The following PCDHGA1 variants were observed in gnomAD, a reference collection of about 807,000 sequenced individuals.
PCDHGA1 encodes the protein protocadherin gamma subfamily A, 1, also known as protocadherin gamma-A1.
In PCDHGA1, 32 loss-of-function variants were observed where a neutral mutation model predicts 58.0. The ratio of observed to expected loss-of-function variants is 0.55; its 90% confidence interval spans 0.42 to 0.74. The LOEUF (loss-of-function observed/expected upper bound fraction) is 0.74. PCDHGA1 is among the 30% of genes least tolerant of loss of function. The pLI is 0.00. For missense variants in PCDHGA1, 1,205 were observed against 1,182.3 expected (o/e 1.02, Z -0.28); for synonymous variants, 498 against 501.1 (o/e 0.99, Z 0.08).
chr5:141,366,298 C>A, intron 1 of PCDHGA1: 1 of 1,613,766 alleles, frequency 6.2e-7, no homozygotes, highest in Non-Finnish European at 8.5e-7. Flanking sequence ...CTCTGTCAGC[C>A]ACCTTCACGG....
At chr5:141,365,639 C>T (rs1764033148) in intron 1 of PCDHGA1, 2 of 1,613,492 alleles carry the variant, frequency 1.2e-6, no homozygotes, top group Admixed American at 3.3e-5. Context: ...TACAGAAAGC[C>T]ACATCCCCTT....
intron 1 of PCDHGA1, chr5:141,395,380 T>C (rs1219736482): frequency 9.0e-7 from 1 of 1,112,054 alleles, no homozygotes; most frequent in African/African-American, 1.6e-5. Context: ...GTGGTGTTAC[T>C]ATAAAATTGA....
rs1193620622 is a variant in PCDHGA1, at chr5:141,512,906, G to A, written c.*1733G>A. On this transcript the variant is annotated 3_prime_UTR_variant, in exon 4 of 4. Coordinates refer to ENST00000517417, the MANE Select transcript of PCDHGA1 (RefSeq NM_018912.3). ...CACCCTCTTCCTGTGTCTCACGCAA[G>A]TTTTATACTCTAATATTTATATGGC... 2.0e-5 allele frequency: 3 copies of A among 152,206 alleles called. No homozygotes were observed. Among genetic ancestry groups the A allele is most frequent in the African/African-American group, 7.2e-5 (3 of 41,438 alleles). The allele number at this position is 152,206 out of a possible 1,614,324, so 9.4% of individuals were successfully genotyped here.
In PCDHGA1 at chr5:141,472,878, C is replaced by T. The variant is rs774209715; in HGVS notation, c.2422-21929C>T. ...GCACATGCCTGTATTCCCAGCTACT[C>T]GGGAGGCTGAGGCAGGAGAATTGCT... On this transcript the variant is annotated intron_variant, in intron 1 of 3. Transcript: ENST00000517417. 6.8e-5 allele frequency among the ~76,000 whole-genome samples: 10 copies of T among 146,132 alleles called. 1 individual carries two copies. The highest frequency in any genetic ancestry group is 4.2e-4 in the East Asian group (2 of 4,758).
chr5:141,345,423 A>C, intron 1 of PCDHGA1: 1 of 1,613,976 alleles, frequency 6.2e-7, no homozygotes, highest in Non-Finnish European at 8.5e-7. Flanking sequence ...CATTCCAGAA[A>C]ACAACCCCAG....
Position 141,476,278 on chromosome 5 carries a change from T to C in PCDHGA1, c.2422-18529T>C, listed in dbSNP as rs746655724. On this transcript the variant is annotated intron_variant, in intron 1 of 3. Transcript: ENST00000517417. The surrounding 1 kb of genome is among the most constrained non-coding windows in gnomAD (Gnocchi z 7.6). ...CTGTGGGCAACGTGGTCGCGAACCTTGGTTTGGATCTCGGTAGCCTCTCAG... is the reference window on the plus strand; with the variant it reads ...CTGTGGGCAACGTGGTCGCGAACCTCGGTTTGGATCTCGGTAGCCTCTCAG... The C allele has an allele frequency of 3.2e-5, 52 of 1,613,758 alleles. No homozygotes were observed. Among genetic ancestry groups the C allele is most frequent in the Non-Finnish European group, 4.2e-5 (49 of 1,179,958 alleles).
At chr5:141,458,509 CTTTG>C (rs1327998402) in intron 1 of PCDHGA1, among the ~76,000 whole-genome samples, 2 of 149,986 alleles carry the variant, frequency 1.3e-5, no homozygotes. Context: ...CTGTTTGACA[CTTTG>C]TTTTTTTTTT....
In PCDHGA1 at chr5:141,402,724, G is replaced by A. The variant is rs558797465; in HGVS notation, c.2421+69619G>A. Among the ~76,000 whole-genome samples, 7 of 152,276 alleles carry A rather than the reference G, an allele frequency of 4.6e-5. No individual in the cohort carries two copies. The South Asian group carries it at 1.5e-3, about 32-fold the overall frequency. On this transcript the variant is annotated intron_variant, in intron 1 of 3. Transcript: ENST00000517417. Reference sequence around the variant, plus strand: ...GGGTGTAGTAACGGCTTAGGACTCTGAGCGCCGCTGTTGATCAACTCTAAG... The same window carrying A: ...GGGTGTAGTAACGGCTTAGGACTCTAAGCGCCGCTGTTGATCAACTCTAAG...
At chr5:141,355,685 T>C in intron 1 of PCDHGA1, 3 of 1,613,982 alleles carry the variant, frequency 1.9e-6, no homozygotes, top group Non-Finnish European at 2.5e-6. Flanking sequence ...GATCCGGATG[T>C]AGGTGTAAAC....
intron 1 of PCDHGA1, among the ~76,000 whole-genome samples, chr5:141,436,424 T>C (rs2154557109): frequency 6.6e-6 from 1 of 152,322 alleles, no homozygotes; most frequent in Middle Eastern, 3.4e-3. Context: ...AAACAAATAA[T>C]GTACTCTGGG....
At chr5:141,389,944 A>T in intron 1 of PCDHGA1, 1 of 1,613,974 alleles carries the variant, frequency 6.2e-7, no homozygotes, top group East Asian at 2.2e-5. Context: ...GCTGAGCTGC[A>T]GTTTTACCTA....
At position 141,340,476 on chromosome 5, in the gene PCDHGA1, C is replaced by G. The variant is rs1756947693; in HGVS notation, c.2421+7371C>G. On this transcript the variant is annotated intron_variant, in intron 1 of 3. Coordinates refer to ENST00000517417, the MANE Select transcript of PCDHGA1 (RefSeq NM_018912.3). ...GACACTGTTCAGGGGGCACCCTTAT[C>G]CTCTTACATCTCTATCAACTCCGAC... is the stretch of plus-strand genomic sequence containing the variant. 5 of 1,614,240 alleles carry G rather than the reference C, an allele frequency of 3.1e-6. No homozygotes were observed. The highest frequency in any genetic ancestry group is 4.2e-6 in the Non-Finnish European group (5 of 1,180,046).
chr5:141,464,184 G>T (rs1348739162), intron 1 of PCDHGA1, among the ~76,000 whole-genome samples: 1 of 150,316 alleles, frequency 6.7e-6, no homozygotes, highest in Non-Finnish European at 1.5e-5. Flanking sequence ...AGAATTGCTT[G>T]ATTTCAGGAG....
At position 141,487,344 on chromosome 5, in the gene PCDHGA1, C is replaced by T. The variant is rs1232854025; in HGVS notation, c.2422-7463C>T. On this transcript the variant is annotated intron_variant, in intron 1 of 3. Coordinates refer to ENST00000517417, the MANE Select transcript of PCDHGA1 (RefSeq NM_018912.3). This position sits in a 1 kb window ranked among gnomAD's most constrained non-coding sequence, Gnocchi z 5.0. ...CTTCGTGGGGCAGCCTGTGGAGTCA[C>T]ATGCTTTCCTGCTGGCACCTGTGCC... 3 of 1,614,208 alleles carry T rather than the reference C, an allele frequency of 1.9e-6. No individual in the cohort carries two copies. The highest frequency in any genetic ancestry group is 3.3e-5 in the Admixed American group (2 of 60,024).
chr5:141,340,599 G>C (rs1309064616), intron 1 of PCDHGA1: 1 of 1,614,094 alleles, frequency 6.2e-7, no homozygotes, highest in Non-Finnish European at 8.5e-7. Flanking sequence ...CCTCCACTCA[G>C]TAGCAATGTA....
rs779459928 is a variant in PCDHGA1, at chr5:141,375,433, C to G, written c.2421+42328C>G. 39 of 1,613,898 alleles carry G rather than the reference C, an allele frequency of 2.4e-5. No homozygotes were observed. The South Asian group carries it at 4.3e-4, about 18-fold the overall frequency. ...TGGCAGACACCAACGACAACCCGCC[C>G]ACCTTCCCCCATTCATCCTACTCAG... On this transcript the variant is annotated intron_variant, in intron 1 of 3. Coordinates refer to ENST00000517417, the MANE Select transcript of PCDHGA1 (RefSeq NM_018912.3).
At chr5:141,378,945 G>A (rs1775265317) in intron 1 of PCDHGA1, 1 of 152,196 alleles carries the variant, frequency 6.6e-6, no homozygotes, top group Admixed American at 6.5e-5. Context: ...TGGAATGAAT[G>A]GAGTACAGGG....
intron 1 of PCDHGA1, chr5:141,357,262 GGCC>G: frequency 1.2e-6 from 2 of 1,613,786 alleles, no homozygotes; most frequent in East Asian, 4.5e-5. Flanking sequence ...AGACGACTCG[GGCC>G]TCACACTCTA....
chr5:141,387,668 A>C, intron 1 of PCDHGA1: 1 of 689,820 alleles, frequency 1.4e-6, no homozygotes, highest in Non-Finnish European at 2.4e-6. Flanking sequence ...GGCGCTCCAG[A>C]TCTCCTCGCG....
Sources: gnomAD v4.1 joint callset for allele counts (sites outside exome capture counted in the v4.1 genomes callset) on GRCh38, gnomAD v4.1.1 for gene constraint, Gnocchi (gnomAD v3.1) non-coding constraint, MANE v1.5 for transcripts, NCBI Gene and HGNC (gene_info 2026-07-23, HGNC 2026-07-21) for gene names.